Variants in AUTS2 observed in about 807,000 individuals in gnomAD.
AUTS2 encodes the protein activator of transcription and developmental regulator AUTS2, also known as autism susceptibility gene 2 protein.
In AUTS2, 17 loss-of-function variants were observed where a neutral mutation model predicts 112.4. The observed-to-expected ratio is 0.15, with a 90% CI of 0.10 to 0.23. The LOEUF is 0.23. Among genes scored for constraint, AUTS2 ranks in the 10% least tolerant of loss-of-function variants. AUTS2 has a pLI of 1.00. For synonymous variants in AUTS2, 751 were observed against 702.7 expected (o/e 1.07, Z -1.09); for missense variants, 1,510 against 1,701.6 (o/e 0.89, Z 1.98).
chr7:70,065,661 C>T (rs1464029722), intron 2 of AUTS2, among the ~76,000 whole-genome samples: 1 of 152,074 alleles, frequency 6.6e-6, no homozygotes, highest in Non-Finnish European at 1.5e-5. Flanking sequence ...GGTGCCACTG[C>T]ACTCCAGTCT....
chr7:70,409,179 C>T (rs1313946690), intron 4 of AUTS2, among the ~76,000 whole-genome samples: 1 of 152,192 alleles, frequency 6.6e-6, no homozygotes, highest in Admixed American at 6.5e-5. Context: ...AAAGATTTAT[C>T]ACTAAGTATG....
chr7:70,740,135 T>C (rs929202812), intron 6 of AUTS2, among the ~76,000 whole-genome samples: 11 of 152,248 alleles, frequency 7.2e-5, no homozygotes, highest in African/African-American at 2.7e-4. Context: ...CAGATTTTTA[T>C]TGAGACAGCC....
intron 5 of AUTS2, among the ~76,000 whole-genome samples, chr7:70,486,937 A>T (rs1798035439): frequency 7.7e-6 from 1 of 129,344 alleles, no homozygotes; most frequent in Admixed American, 8.2e-5. Flanking sequence ...GTTGCATATC[A>T]TCACTTTAAA....
At chr7:69,653,959 G>A (rs1250341740) in intron 1 of AUTS2, among the ~76,000 whole-genome samples, 2 of 152,158 alleles carry the variant, frequency 1.3e-5, no homozygotes, top group African/African-American at 4.8e-5. Context: ...GCAGAGGTTG[G>A]GGAGGGAATT....
chr7:70,785,380 C>A (rs1290891548), intron 16 of AUTS2: 2 of 519,556 alleles, frequency 3.8e-6, no homozygotes, highest in South Asian at 3.1e-5. Context: ...CAAAGGTCAC[C>A]TCTAGGAAGC....
chr7:70,333,596 G>T (rs1305084824), intron 4 of AUTS2, among the ~76,000 whole-genome samples: 3 of 152,130 alleles, frequency 2.0e-5, no homozygotes, highest in African/African-American at 7.2e-5. Flanking sequence ...AGAAAATGTG[G>T]CATATATATA....
At chr7:70,707,937 G>T (rs1260684335) in intron 6 of AUTS2, among the ~76,000 whole-genome samples, 1 of 152,140 alleles carries the variant, frequency 6.6e-6, no homozygotes, top group Non-Finnish European at 1.5e-5. Context: ...GCGTTCTGTG[G>T]GCTCCGATCT....
chr7:70,709,199 G>A (rs894159575), intron 6 of AUTS2, among the ~76,000 whole-genome samples: 7 of 151,966 alleles, frequency 4.6e-5, no homozygotes, highest in South Asian at 2.1e-4. Context: ...TTACAGGCGT[G>A]AGCCACCGTA....
chr7:69,740,523 C>CTTTTTTT (rs11433491), intron 1 of AUTS2, among the ~76,000 whole-genome samples: 1 of 150,192 alleles, frequency 6.7e-6, no homozygotes, highest in Non-Finnish European at 1.5e-5. Context: ...TCAGAAATGT[C>CTTTTTTT]TTTTTTTTTT....
At chr7:70,256,434 T>C (rs1221009885) in intron 4 of AUTS2, among the ~76,000 whole-genome samples, 4 of 152,170 alleles carry the variant, frequency 2.6e-5, no homozygotes, top group African/African-American at 7.2e-5. Flanking sequence ...AGAAGGCTTA[T>C]AGTGGCTGAA....
intron 2 of AUTS2, among the ~76,000 whole-genome samples, chr7:69,935,284 G>A (rs955357814): frequency 2.6e-5 from 4 of 151,554 alleles, no homozygotes; most frequent in South Asian, 2.1e-4. Context: ...GTGTTGCCAG[G>A]GTCCAAGGTG....
At chr7:70,665,975 A>C (rs1424718824) in intron 5 of AUTS2, among the ~76,000 whole-genome samples, 6 of 152,166 alleles carry the variant, frequency 3.9e-5, no homozygotes, top group Non-Finnish European at 7.4e-5. Flanking sequence ...AGTCAGCATC[A>C]AGAAGGGCTC....
At chr7:70,553,783 T>C (rs1801119883) in intron 5 of AUTS2, among the ~76,000 whole-genome samples, 1 of 143,852 alleles carries the variant, frequency 7.0e-6, no homozygotes, top group Non-Finnish European at 1.5e-5. Flanking sequence ...TTTTTTTTTT[T>C]TGAGACGGAG....
intron 5 of AUTS2, among the ~76,000 whole-genome samples, chr7:70,473,725 T>G (rs1797477440): frequency 6.6e-6 from 1 of 151,444 alleles, no homozygotes; most frequent in Non-Finnish European, 1.5e-5. Flanking sequence ...TTTTTTTTTT[T>G]TTTACTTAGG....
chr7:69,958,235 G>T (rs11763426), intron 2 of AUTS2, among the ~76,000 whole-genome samples: 17,389 of 152,042 alleles, frequency 0.11, 1,584 homozygotes, highest in African/African-American at 0.25. Flanking sequence ...TGTACCCCTT[G>T]GTTTATGTAT....
At chr7:69,740,235 C>CT (rs58735602) in intron 1 of AUTS2, among the ~76,000 whole-genome samples, 15,151 of 152,140 alleles carry the variant, frequency 0.1, 1,202 homozygotes, top group African/African-American at 0.22. Context: ...TTGGCTGTAG[C>CT]TTTTGATCAG....
intron 5 of AUTS2, among the ~76,000 whole-genome samples, chr7:70,671,268 C>T (rs778996683): frequency 4.7e-4 from 72 of 152,224 alleles, no homozygotes; most frequent in Non-Finnish European, 9.7e-4. Flanking sequence ...CACCCGCTGC[C>T]TCCCCAGCTG....
intron 4 of AUTS2, among the ~76,000 whole-genome samples, chr7:70,160,213 G>A (rs376189741): frequency 6.6e-6 from 1 of 152,038 alleles, no homozygotes; most frequent in East Asian, 1.9e-4. Flanking sequence ...GTAATGAGTT[G>A]GATGACCAAA....
chr7:69,843,312 G>A (rs1273406336), intron 1 of AUTS2, among the ~76,000 whole-genome samples: 1 of 152,142 alleles, frequency 6.6e-6, no homozygotes, highest in East Asian at 1.9e-4. Flanking sequence ...CCCAGGACTA[G>A]TGGAGGGGCA....
Sources: allele counts gnomAD v4.1 joint callset (sites outside exome capture counted in the v4.1 genomes callset), GRCh38; gene constraint gnomAD v4.1.1; transcripts MANE v1.5; gene names NCBI Gene and HGNC (gene_info 2026-07-23, HGNC 2026-07-21).